The following DNAI1 variants were observed in gnomAD, a reference collection of about 807,000 sequenced individuals.
DNAI1 encodes dynein, axonemal, intermediate polypeptide 1.
Under a neutral mutation model 92.0 loss-of-function variants are expected in DNAI1, and 67 were observed. That is an observed-to-expected ratio of 0.73 (90% CI 0.60 to 0.89). The LOEUF (loss-of-function observed/expected upper bound fraction) is 0.89. Among genes scored for constraint, DNAI1 ranks in the 40% least tolerant of loss-of-function variants. The pLI is 0.00. For synonymous variants in DNAI1, 323 were observed against 319.6 expected, an observed-to-expected ratio of 1.01 and a Z score of -0.11; for missense variants, 839 against 866.6, an observed-to-expected ratio of 0.97 and a Z score of 0.40.
Position 34,485,549 on chromosome 9 carries a change from A to T in DNAI1, c.261+32A>T. The T allele has an allele frequency of 8.8e-6, 14 of 1,598,696 alleles. 1 individual carries two copies. The highest frequency in any genetic ancestry group is 1.2e-5 in the Non-Finnish European group (14 of 1,166,618). Reference sequence around the variant, plus strand: ...CATCCCCTCCTGGGCAGGGGCATCTATACCCATCTCCTTGGAGTGACAGTG... The same window carrying T: ...CATCCCCTCCTGGGCAGGGGCATCTTTACCCATCTCCTTGGAGTGACAGTG... On this transcript the variant is annotated intron_variant, in intron 4 of 19. Coordinates refer to ENST00000242317, the MANE Select transcript of DNAI1 (RefSeq NM_012144.4).
chr9:34,494,944 G>C (rs1488110921), intron 9 of DNAI1, among the ~76,000 whole-genome samples: 1 of 152,176 alleles, frequency 6.6e-6, no homozygotes. Context: ...CATTGCCCAG[G>C]CCCAGTGGTT....
At chr9:34,517,570 G>A (rs1361355969) in intron 19 of DNAI1, 103 bp downstream of exon 19, 1 of 1,336,170 alleles carries the variant, frequency 7.5e-7, no homozygotes, top group East Asian at 2.3e-5. Context: ...TTCTGATGTG[G>A]GAGACCCAGG....
chr9:34,515,136 GC>G (rs1825150393), intron 18 of DNAI1, among the ~76,000 whole-genome samples: 1 of 152,234 alleles, frequency 6.6e-6, no homozygotes, highest in South Asian at 2.1e-4. Flanking sequence ...CCGGGAGTGT[GC>G]AAGCTGATTC....
intron 10 of DNAI1, 39 bp from the exon 11 acceptor site, chr9:34,500,683 C>T (rs764970728): frequency 1.2e-5 from 17 of 1,474,134 alleles, no homozygotes; most frequent in South Asian, 2.3e-5. Context: ...TGCCATAAAG[C>T]GGCAGTCCCA....
At chr9:34,518,695 C>G (rs1364524365) in intron 19 of DNAI1, among the ~76,000 whole-genome samples, 3 of 152,240 alleles carry the variant, frequency 2.0e-5, no homozygotes, top group Non-Finnish European at 4.4e-5. Flanking sequence ...AGTTGGACAA[C>G]CCTCCAGGAG....
At chr9:34,470,431 A>G (rs1824115857) in intron 1 of DNAI1, among the ~76,000 whole-genome samples, 1 of 152,222 alleles carries the variant, frequency 6.6e-6, no homozygotes, top group African/African-American at 2.4e-5. Context: ...AAACTAAGCA[A>G]ATGGAAAGCA....
At chr9:34,505,764 C>A (rs1824913773) in intron 12 of DNAI1, among the ~76,000 whole-genome samples, 1 of 152,330 alleles carries the variant, frequency 6.6e-6, no homozygotes, top group South Asian at 2.1e-4. Context: ...CCTGATGCCC[C>A]TACATGCCCT....
chr9:34,492,777 T>C (rs1824635309), intron 8 of DNAI1, among the ~76,000 whole-genome samples: 1 of 151,820 alleles, frequency 6.6e-6, no homozygotes, highest in South Asian at 2.1e-4. Flanking sequence ...TGCCTCAGCC[T>C]CCCAAAGTGC....
intron 10 of DNAI1, among the ~76,000 whole-genome samples, chr9:34,498,562 A>C (rs948652263): frequency 6.6e-6 from 1 of 152,236 alleles, no homozygotes; most frequent in African/African-American, 2.4e-5. Context: ...GAAATGCTTA[A>C]ATCCTGGGGG....
intron 10 of DNAI1, among the ~76,000 whole-genome samples, chr9:34,497,844 C>T (rs934970337): frequency 4.6e-5 from 7 of 152,076 alleles, no homozygotes; most frequent in African/African-American, 1.2e-4. Context: ...GCAGTGAAAC[C>T]GAATAGGAAT....
At chr9:34,492,324 G>A (rs1266883530) in intron 8 of DNAI1, among the ~76,000 whole-genome samples, 1 of 151,582 alleles carries the variant, frequency 6.6e-6, no homozygotes, top group Non-Finnish European at 1.5e-5. Context: ...GATCCTTGCT[G>A]CTTCCTCTGC....
chr9:34,485,911 G>T (rs1198792655), intron 4 of DNAI1, among the ~76,000 whole-genome samples: 1 of 152,128 alleles, frequency 6.6e-6, no homozygotes, highest in Non-Finnish European at 1.5e-5. Context: ...AAAAGGAGCT[G>T]GTCTTCTCCC....
At chr9:34,487,544 G>T (rs550584011) in intron 4 of DNAI1, among the ~76,000 whole-genome samples, 70 of 152,088 alleles carry the variant, frequency 4.6e-4, no homozygotes, top group Non-Finnish European at 9.4e-4. Context: ...CCCTTGGGAA[G>T]CCCGAAAAGG....
At chr9:34,493,167 G>T (rs758459005) in intron 8 of DNAI1, 27 bp from the exon 9 acceptor site, 4 of 1,614,152 alleles carry the variant, frequency 2.5e-6, no homozygotes, top group South Asian at 2.2e-5. Context: ...ACCTTACAAT[G>T]ATCCTTCTTA....
At position 34,517,362 on chromosome 9, in the gene DNAI1, C is replaced by T; in HGVS notation, c.1896C>T (p.Leu632=). ...NQPVAAKKNR[L]THVQFNLIHP... The stretch of plus-strand genomic sequence containing the variant: ...CTGTGGCGGCCAAAAAGAACAGGCT[C>T]ACCCACGTGCAGTTCAATCTCATCC... The change falls in exon 19 of 20, where the codon CTC becomes CTT. Residue 632 remains leucine, a synonymous_variant. Coordinates refer to ENST00000242317, the MANE Select transcript of DNAI1 (RefSeq NM_012144.4). 6.2e-7 allele frequency: 1 copy of T among 1,614,188 alleles called. No individual in the cohort carries two copies. Among genetic ancestry groups the T allele is most frequent in the Non-Finnish European group, 8.5e-7 (1 of 1,180,038 alleles).
At chr9:34,489,266 A>T (rs953709288) in intron 4 of DNAI1, 57 bp from the exon 5 acceptor site, 1 of 1,605,138 alleles carries the variant, frequency 6.2e-7, no homozygotes, top group African/African-American at 1.3e-5. Flanking sequence ...AGCAGATTAC[A>T]TTTTGACTCC....
intron 1 of DNAI1, among the ~76,000 whole-genome samples, chr9:34,461,461 C>T (rs896418474): frequency 6.6e-6 from 1 of 152,224 alleles, no homozygotes; most frequent in South Asian, 2.1e-4. Context: ...TCCTATGCCC[C>T]ACCCCTGGCC....
chr9:34,463,414 A>C (rs7868688), intron 1 of DNAI1, among the ~76,000 whole-genome samples: 73,816 of 152,022 alleles, frequency 0.49, 19,520 homozygotes, highest in African/African-American at 0.69. Flanking sequence ...GAATGTCAGG[A>C]ACCATAAACC....
At chr9:34,459,261 A>G (rs554443436) in intron 1 of DNAI1, among the ~76,000 whole-genome samples, 6 of 151,216 alleles carry the variant, frequency 4.0e-5, no homozygotes, top group Non-Finnish European at 7.4e-5. Flanking sequence ...TACTACCCCA[A>G]TCCACCGTTT....
Sources: allele counts gnomAD v4.1 joint callset (sites outside exome capture counted in the v4.1 genomes callset), GRCh38; gene constraint gnomAD v4.1.1; transcripts MANE v1.5; gene names NCBI Gene and HGNC (gene_info 2026-07-23, HGNC 2026-07-21).